Variants in DCLK1 observed in about 807,000 individuals in gnomAD.
DCLK1 encodes doublecortin like kinase 1, also known as serine/threonine-protein kinase DCLK1.
DCLK1 carries 16 observed loss-of-function variants against 86.2 expected under a neutral mutation model. That is an observed-to-expected ratio of 0.19 (90% CI 0.13 to 0.28). The LOEUF (loss-of-function observed/expected upper bound fraction) is 0.28, where lower values mean the gene tolerates loss of function less well. Among genes scored for constraint, DCLK1 ranks in the 10% least tolerant of loss-of-function variants. DCLK1 has a pLI of 1.00. For synonymous variants in DCLK1, 369 were observed against 370.5 expected, an observed-to-expected ratio of 1.00 and a Z score of 0.05; for missense variants, 590 against 940.2, an observed-to-expected ratio of 0.63 and a Z score of 4.87.
At chr13:36,026,514 C>T (rs543863895) in intron 3 of DCLK1, among the ~76,000 whole-genome samples, 2 of 152,274 alleles carry the variant, frequency 1.3e-5, no homozygotes, top group South Asian at 2.1e-4. Context: ...ACTTTCAAAA[C>T]TGGATATATC....
At chr13:35,926,175 C>T (rs1405283467) in intron 4 of DCLK1, among the ~76,000 whole-genome samples, 1 of 152,022 alleles carries the variant, frequency 6.6e-6, no homozygotes, top group Non-Finnish European at 1.5e-5. Flanking sequence ...TCTCCTGCCT[C>T]AGCCTCCTGG....
intron 16 of DCLK1, among the ~76,000 whole-genome samples, chr13:35,788,680 A>G (rs1413972113): frequency 6.6e-6 from 1 of 152,228 alleles, no homozygotes; most frequent in Non-Finnish European, 1.5e-5. Flanking sequence ...GTATTACCGC[A>G]TAAGGCTTAA....
intron 3 of DCLK1, among the ~76,000 whole-genome samples, chr13:36,073,704 C>A (rs1015693174): frequency 1.3e-5 from 2 of 152,068 alleles, no homozygotes; most frequent in African/African-American, 4.8e-5. Flanking sequence ...CTGGCTCACA[C>A]CTGAACTATG....
intron 6 of DCLK1, among the ~76,000 whole-genome samples, chr13:35,852,541 T>A (rs559380059): frequency 6.6e-6 from 1 of 152,170 alleles, no homozygotes; most frequent in Admixed American, 6.5e-5. Flanking sequence ...TTCTCTCAAG[T>A]ATGGTGTTTG....
intron 6 of DCLK1, among the ~76,000 whole-genome samples, chr13:35,851,455 G>A (rs934773977): frequency 6.6e-6 from 1 of 151,938 alleles, no homozygotes; most frequent in East Asian, 1.9e-4. Context: ...AGAGCGTCTA[G>A]AGTTGGCTTT....
chr13:35,956,791 C>T (rs533493892), intron 3 of DCLK1, among the ~76,000 whole-genome samples: 5 of 152,194 alleles, frequency 3.3e-5, no homozygotes, highest in Admixed American at 6.5e-5. Flanking sequence ...CAGCATCAGG[C>T]ACTCTGCTCC....
At chr13:35,923,086 A>C (rs1259342799) in intron 4 of DCLK1, among the ~76,000 whole-genome samples, 1 of 152,086 alleles carries the variant, frequency 6.6e-6, no homozygotes, top group Non-Finnish European at 1.5e-5. Flanking sequence ...ATCAATTGGG[A>C]ACTTAAGTAA....
At chr13:36,125,036 T>C (rs1886121043) in intron 2 of DCLK1, among the ~76,000 whole-genome samples, 1 of 152,248 alleles carries the variant, frequency 6.6e-6, no homozygotes, top group Non-Finnish European at 1.5e-5. Context: ...TTGCATAAGA[T>C]ACCAGGCTGC....
intron 4 of DCLK1, among the ~76,000 whole-genome samples, chr13:35,915,217 T>G (rs1406357692): frequency 6.6e-6 from 1 of 152,224 alleles, no homozygotes; most frequent in Non-Finnish European, 1.5e-5. Flanking sequence ...TTATGTTTTT[T>G]CAGAGTCACA....
chr13:36,118,072 T>C (rs1023117394), intron 2 of DCLK1, among the ~76,000 whole-genome samples: 2 of 120,552 alleles, frequency 1.7e-5, no homozygotes, highest in Non-Finnish European at 3.4e-5. Flanking sequence ...TCTGATATAT[T>C]AAAACATTTT....
chr13:36,042,638 G>C (rs1882737216), intron 3 of DCLK1, among the ~76,000 whole-genome samples: 1 of 152,174 alleles, frequency 6.6e-6, no homozygotes, highest in African/African-American at 2.4e-5. Flanking sequence ...AGCTAAATGT[G>C]AAAGTCAACA....
At chr13:35,862,672 A>G (rs1211997370) in intron 5 of DCLK1, among the ~76,000 whole-genome samples, 1 of 152,194 alleles carries the variant, frequency 6.6e-6, no homozygotes, top group Non-Finnish European at 1.5e-5. Context: ...ACTCTTTCTT[A>G]GAATTCTATC....
At chr13:35,878,285 G>A (rs1593691321) in intron 4 of DCLK1, among the ~76,000 whole-genome samples, 1 of 152,200 alleles carries the variant, frequency 6.6e-6, no homozygotes, top group Non-Finnish European at 1.5e-5. Flanking sequence ...AAATCCACAT[G>A]TAGGCTTCTT....
intron 3 of DCLK1, among the ~76,000 whole-genome samples, chr13:36,103,583 T>C (rs1885295900): frequency 6.6e-6 from 1 of 152,152 alleles, no homozygotes; most frequent in Non-Finnish European, 1.5e-5. Context: ...AAAATAAATC[T>C]CCCATCTGTC....
At chr13:36,051,533 T>C (rs140917192) in intron 3 of DCLK1, among the ~76,000 whole-genome samples, 6 of 152,020 alleles carry the variant, frequency 3.9e-5, no homozygotes, top group South Asian at 2.1e-4. Context: ...CTCTGTGTGG[T>C]CTTTTAATCC....
chr13:35,911,911 G>A (rs752412415), intron 4 of DCLK1, among the ~76,000 whole-genome samples: 1 of 152,164 alleles, frequency 6.6e-6, no homozygotes, highest in Non-Finnish European at 1.5e-5. Context: ...CATACTAGGA[G>A]TCCTGTGGCC....
chr13:35,863,249 T>G (rs78015524), intron 5 of DCLK1, among the ~76,000 whole-genome samples: 3,162 of 152,298 alleles, frequency 0.021, 100 homozygotes, highest in African/African-American at 0.072. Flanking sequence ...AACACATGGC[T>G]GTATATGTTT....
At chr13:35,825,120 T>A (rs1418995224) in intron 10 of DCLK1, among the ~76,000 whole-genome samples, 1 of 152,194 alleles carries the variant, frequency 6.6e-6, no homozygotes, top group Non-Finnish European at 1.5e-5. Context: ...TAACTGCCGA[T>A]CCACTGCCGT....
intron 8 of DCLK1, among the ~76,000 whole-genome samples, chr13:35,829,375 C>T (rs544036998): frequency 5.3e-5 from 8 of 152,260 alleles, no homozygotes; most frequent in Non-Finnish European, 8.8e-5. Context: ...GGTGTGAAAT[C>T]GGGAGAGCCT....
Sources: allele counts gnomAD v4.1 joint callset (sites outside exome capture counted in the v4.1 genomes callset), GRCh38; gene constraint gnomAD v4.1.1; transcripts MANE v1.5; gene names NCBI Gene and HGNC (gene_info 2026-07-23, HGNC 2026-07-21).